Variants in FAM186B observed in about 807,000 individuals in gnomAD.
FAM186B encodes protein FAM186B.
FAM186B carries 68 observed loss-of-function variants against 83.4 expected under a neutral mutation model. The observed-to-expected ratio is 0.81, with a 90% CI of 0.67 to 1.00. The LOEUF is 1.00. Ranked by LOEUF, FAM186B falls within the 50% of genes least tolerant of loss-of-function variation. The probability of loss-of-function intolerance (pLI) is 0.00; values close to 1 mark genes in which losing one functional copy is unlikely to be tolerated. For missense variants in FAM186B, 983 were observed against 1,099.2 expected (o/e 0.89, Z 1.49); for synonymous variants, 389 against 422.0 (o/e 0.92, Z 0.96).
At position 49,587,600 on chromosome 12, in the gene FAM186B, GA is replaced by G; in HGVS notation, c.*4del. The G allele has an allele frequency of 6.2e-7, 1 of 1,614,034 alleles. No individual in the cohort carries two copies. On this transcript the variant is annotated 3_prime_UTR_variant, in exon 7 of 7. Coordinates refer to ENST00000257894, the MANE Select transcript of FAM186B (RefSeq NM_032130.3). Reference sequence around the variant, plus strand: ...CAGGAAGTTCAGGCTTTTGTGGCAGGAGGACTACACGTCCAGTGTCAACAGC... The same window carrying G: ...CAGGAAGTTCAGGCTTTTGTGGCAGGGGACTACACGTCCAGTGTCAACAGC...
At position 49,599,592 on chromosome 12, in the gene FAM186B, C is replaced by A. The variant is rs1348759052; in HGVS notation, c.2048G>T (p.Arg683Met). ...TTTGCTGCGCAGGTAGTGGGGCAGC[C>A]TCAACTCAGACTCCTCACTCAGGAG... ...LQLLSEESEL[R>M]LPHYLRSKAL... Residue 683 changes from arginine to methionine, a missense_variant, in exon 4 of 7, where the codon AGG becomes ATG. Coordinates refer to ENST00000257894, the MANE Select transcript of FAM186B (RefSeq NM_032130.3). 1 of 1,612,936 alleles carries A rather than the reference C, an allele frequency of 6.2e-7. No homozygotes were observed. Among genetic ancestry groups the A allele is most frequent in the Non-Finnish European group, 8.5e-7 (1 of 1,179,406 alleles).
chr12:49,601,172 A>T (rs767863970), intron 3 of FAM186B, 38 bp from the exon 4 acceptor site: 14 of 1,519,350 alleles, frequency 9.2e-6, no homozygotes, highest in Admixed American at 2.2e-5. Flanking sequence ...ACGATTTCTC[A>T]TGGGTCCCAA....
chr12:49,600,264 C>G lies in FAM186B; in HGVS notation c.1376G>C (p.Cys459Ser), dbSNP rs777016632. Residue 459 changes from cysteine (C) to serine (S), a missense_variant, in exon 4 of 7, where the codon TGT (cysteine) becomes TCT (serine). Coordinates refer to ENST00000257894, the MANE Select transcript of FAM186B (RefSeq NM_032130.3). The surrounding 1 kb of genome is among the most constrained non-coding windows in gnomAD (Gnocchi z 4.3). The part of the protein sequence containing the change: ...QKGGLQIKFH[C>S]SKQLSLESSR... ...GCTCTCTAGAGACAGCTGCTTGCTA[C>G]AGTGGAACTTAATTTGGAGTCCTCC... 1 of 1,613,978 alleles carries G rather than the reference C, an allele frequency of 6.2e-7. No individual in the cohort carries two copies. The highest frequency in any genetic ancestry group is 1.3e-5 in the African/African-American group (1 of 74,910).
chr12:49,603,742 G>A (rs1939949198), intron 2 of FAM186B, among the ~76,000 whole-genome samples: 1 of 152,192 alleles, frequency 6.6e-6, no homozygotes, highest in African/African-American at 2.4e-5. Context: ...AGCTCTGTCA[G>A]TCTTGAGGGC....
At chr12:49,607,681 G>A (rs1331192364), upstream of FAM186B, among the ~76,000 whole-genome samples, 1 of 152,158 alleles carries the variant, frequency 6.6e-6, no homozygotes, top group East Asian at 1.9e-4. Context: ...ATTTTATGAG[G>A]TTAGCATTAT....
chr12:49,583,401 T>C (rs1939376391), downstream of FAM186B: 8 of 241,470 alleles, frequency 3.3e-5, no homozygotes, highest in South Asian at 3.9e-4. Context: ...AGCGATACAT[T>C]TAGTGTGAGG....
upstream of FAM186B, among the ~76,000 whole-genome samples, chr12:49,606,317 G>C (rs1041945886): frequency 6.6e-6 from 1 of 151,064 alleles, no homozygotes; most frequent in Non-Finnish European, 1.5e-5. Context: ...AACATGGTGA[G>C]AGCCTAGCTC....
At chr12:49,588,708 G>C (rs946041531) in intron 5 of FAM186B, 85 bp from the exon 6 acceptor site, 15 of 1,392,804 alleles carry the variant, frequency 1.1e-5, no homozygotes, top group Non-Finnish European at 1.5e-5. Flanking sequence ...GTTTGTTGGT[G>C]CCCCTGCTGG....
intron 5 of FAM186B, among the ~76,000 whole-genome samples, chr12:49,589,026 G>C (rs1371402512): frequency 6.6e-6 from 1 of 152,176 alleles, no homozygotes; most frequent in African/African-American, 2.4e-5. Flanking sequence ...GAGGAGCTGG[G>C]GGAACCTTCA....
chr12:49,590,087 A>G (rs1459485118), intron 5 of FAM186B, among the ~76,000 whole-genome samples: 2 of 144,376 alleles, frequency 1.4e-5, no homozygotes, highest in Non-Finnish European at 3.0e-5. Context: ...TTTTAATTGT[A>G]TACTATTTTG....
chr12:49,621,936 G>T, the FAM186B span, among the ~76,000 whole-genome samples: 1 of 152,236 alleles, frequency 6.6e-6, no homozygotes, highest in Non-Finnish European at 1.5e-5. Context: ...GACGATGGGG[G>T]CAGGGCTCTG....
the FAM186B span, among the ~76,000 whole-genome samples, chr12:49,620,590 C>G: frequency 8.6e-5 from 13 of 151,716 alleles, no homozygotes; most frequent in Non-Finnish European, 1.9e-4. Flanking sequence ...GTGTTTAAAT[C>G]AAATCTAGGA....
upstream of FAM186B, among the ~76,000 whole-genome samples, chr12:49,606,486 G>GACACACACACAC (rs57458344): frequency 1.2e-4 from 17 of 136,088 alleles, no homozygotes; most frequent in African/African-American, 4.4e-4. Context: ...TAGATACCCT[G>GACACACACACAC]ACACACACAC....
chr12:49,614,732 T>G, the FAM186B span, among the ~76,000 whole-genome samples: 3 of 151,838 alleles, frequency 2.0e-5, no homozygotes, highest in African/African-American at 4.8e-5. Flanking sequence ...GAGTCTAAAG[T>G]AAAAGTTGTG....
intron 2 of FAM186B, chr12:49,604,038 T>G: frequency 2.1e-6 from 1 of 467,676 alleles, no homozygotes; most frequent in African/African-American, 1.9e-5. Flanking sequence ...CTCTATAAAA[T>G]AGCTAATGTG....
In FAM186B at chr12:49,600,880, TCTC is replaced by T; in HGVS notation, c.757_759del (p.Glu253del). ...CTGTATTTGGTCTCCAGGCTCCTGTTCTCCTTGTGTTGGAGGATCAAGGCCTTG... is the reference window on the plus strand; with the variant it reads ...CTGTATTTGGTCTCCAGGCTCCTGTTCTTGTGTTGGAGGATCAAGGCCTTG... On this transcript the variant is annotated inframe_deletion, in exon 4 of 7. Coordinates refer to ENST00000257894, the MANE Select transcript of FAM186B (RefSeq NM_032130.3). This position sits in a 1 kb window ranked among gnomAD's most constrained non-coding sequence, Gnocchi z 4.3. 2.5e-6 allele frequency: 4 copies of T among 1,614,122 alleles called. No individual in the cohort carries two copies. Among genetic ancestry groups the T allele is most frequent in the Non-Finnish European group, 3.4e-6 (4 of 1,180,000 alleles).
Position 49,587,739 on chromosome 12 carries a change from G to A in FAM186B, c.2548C>T (p.Gln850Ter). The A allele has an allele frequency of 6.2e-7, 1 of 1,613,100 alleles. No individual in the cohort carries two copies. Among genetic ancestry groups the A allele is most frequent in the Non-Finnish European group, 8.5e-7 (1 of 1,179,616 alleles). ...TCGGTCTTCCAGACAGCCTCCATCT[G>A]CTTCCCCTGTTGGCTGGGAGTGGGG... ...PLQMARQQGK[Q>*]MEAVWKTEVA... The change falls in exon 7 of 7, where the codon CAG becomes TAG. Residue 850 changes from glutamine to a stop codon, truncating the protein, a stop_gained. Transcript: ENST00000257894. LOFTEE classifies it low-confidence loss of function (END_TRUNC).
intron 5 of FAM186B, chr12:49,594,219 C>A: frequency 3.7e-6 from 1 of 273,266 alleles, no homozygotes. Context: ...GAATAATATT[C>A]AAGAAAAGGA....
chr12:49,619,238 A>G, the FAM186B span: 3 of 217,542 alleles, frequency 1.4e-5, no homozygotes, highest in African/African-American at 4.6e-5. Context: ...CGGGAGTATT[A>G]TAAATCAAGA....
Sources: gnomAD v4.1 joint callset for allele counts (sites outside exome capture counted in the v4.1 genomes callset) on GRCh38, gnomAD v4.1.1 for gene constraint, Gnocchi (gnomAD v3.1) non-coding constraint, MANE v1.5 for transcripts, NCBI Gene and HGNC (gene_info 2026-07-23, HGNC 2026-07-21) for gene names.